NIF3L1: variants seen among roughly 807,000 people sequenced by gnomAD.
NIF3L1 encodes the protein NIF3-like protein 1.
Under a neutral mutation model 35.0 loss-of-function variants are expected in NIF3L1, and 26 were observed. The observed-to-expected ratio is 0.74, with a 90% CI of 0.54 to 1.03. The LOEUF (loss-of-function observed/expected upper bound fraction) is 1.03, where lower values mean the gene tolerates loss of function less well. NIF3L1 is among the 50% of genes least tolerant of loss of function. The pLI is 0.00. For missense variants in NIF3L1, 449 were observed against 466.3 expected, an observed-to-expected ratio of 0.96 and a Z score of 0.34; for synonymous variants, 157 against 178.9, an observed-to-expected ratio of 0.88 and a Z score of 0.98.
At chr2:200,900,743 A>G (rs1370665167) in intron 6 of NIF3L1, among the ~76,000 whole-genome samples, 1 of 152,248 alleles carries the variant, frequency 6.6e-6, no homozygotes, top group African/African-American at 2.4e-5. Flanking sequence ...GTGAAATTTC[A>G]ATATGAATAT....
chr2:200,891,181 T>G (rs1263794175), intron 1 of NIF3L1, among the ~76,000 whole-genome samples: 1 of 152,128 alleles, frequency 6.6e-6, no homozygotes, highest in Non-Finnish European at 1.5e-5. Context: ...AGTCTTTATC[T>G]CTTGACTTTG....
Position 200,892,481 on chromosome 2 carries a change from A to G in NIF3L1, c.436+102A>G, listed in dbSNP as rs980921756. The stretch of plus-strand genomic sequence containing the variant: ...TAACTGCTTTAGGGTTGGGGAGGGC[A>G]TGATTCCATTTTTATATAATAATTT... On this transcript the variant is annotated intron_variant, in intron 2 of 6. Coordinates refer to ENST00000409020, the MANE Select transcript of NIF3L1 (RefSeq NM_001369441.2). The G allele has an allele frequency of 6.2e-6, 5 of 800,434 alleles. No individual in the cohort carries two copies. In the African/African-American group the frequency reaches 6.9e-5, roughly 11 times the overall value. The allele number at this position is 800,434 out of a possible 1,614,324, so 49.6% of individuals were successfully genotyped here. A position where few individuals can be genotyped will look rare whatever the true frequency, so the allele number is the denominator to read the frequency against.
intron 1 of NIF3L1, among the ~76,000 whole-genome samples, chr2:200,890,148 A>G (rs981637993): frequency 6.6e-6 from 1 of 152,180 alleles, no homozygotes; most frequent in Admixed American, 6.5e-5. Context: ...ACTTGAGCGC[A>G]GGAGTTTGAG....
intron 1 of NIF3L1, among the ~76,000 whole-genome samples, chr2:200,891,342 A>G (rs1349982512): frequency 6.6e-6 from 1 of 152,176 alleles, no homozygotes; most frequent in Non-Finnish European, 1.5e-5. Flanking sequence ...GTGTCATTCT[A>G]TGCAGTAAGC....
chr2:200,896,995 C>T, intron 4 of NIF3L1, 81 bp from the exon 5 acceptor site: 1 of 1,343,476 alleles, frequency 7.4e-7, no homozygotes, highest in Admixed American at 2.0e-5. Context: ...AGTAATCTCA[C>T]AGTGTGCATG....
Position 200,892,291 on chromosome 2 carries a change from T to C in NIF3L1, c.348T>C (p.Ala116=). The C allele has an allele frequency of 1.2e-6, 2 of 1,614,060 alleles. No homozygotes were observed. Among genetic ancestry groups the C allele is most frequent in the Non-Finnish European group, 1.7e-6 (2 of 1,180,026 alleles). ...NTWKERLVIR[A]LENRVGIYSP... ...GGAAGGAGCGCCTGGTGATCCGGGCTCTGGAGAACAGAGTCGGTATCTACT... is the reference window on the plus strand; with the variant it reads ...GGAAGGAGCGCCTGGTGATCCGGGCCCTGGAGAACAGAGTCGGTATCTACT... Residue 116 remains alanine (A), a synonymous_variant, in exon 2 of 7, where the codon GCT becomes GCC. Coordinates refer to ENST00000409020, the MANE Select transcript of NIF3L1 (RefSeq NM_001369441.2).
At chr2:200,889,924 CTG>C (rs1447844140) in intron 1 of NIF3L1, among the ~76,000 whole-genome samples, 1 of 152,202 alleles carries the variant, frequency 6.6e-6, no homozygotes, top group Non-Finnish European at 1.5e-5. Context: ...TCGTTGTTGA[CTG>C]TGGCCATGTA....
chr2:200,900,585 G>A (rs903094368), intron 6 of NIF3L1, among the ~76,000 whole-genome samples: 16 of 152,050 alleles, frequency 1.1e-4, no homozygotes, highest in African/African-American at 9.7e-5. Flanking sequence ...CTGAAGTACC[G>A]AGGAGCAGCA....
At chr2:200,898,599 A>T (rs2124894223) in intron 5 of NIF3L1, among the ~76,000 whole-genome samples, 1 of 152,298 alleles carries the variant, frequency 6.6e-6, no homozygotes, top group East Asian at 1.9e-4. Context: ...TGTCCAAAGA[A>T]AATGGATAGC....
At position 200,903,743 on chromosome 2, in the gene NIF3L1, G is replaced by A. The variant is rs1291505543; in HGVS notation, c.*65G>A. The A allele has an allele frequency of 7.8e-7, 1 of 1,281,520 alleles. No homozygotes were observed. Among genetic ancestry groups the A allele is most frequent in the Non-Finnish European group, 1.1e-6 (1 of 877,184 alleles). The allele number at this position is 1,281,520 out of a possible 1,614,324, so 79.4% of individuals were successfully genotyped here. On this transcript the variant is annotated 3_prime_UTR_variant, in exon 7 of 7. Coordinates refer to ENST00000409020, the MANE Select transcript of NIF3L1 (RefSeq NM_001369441.2). ...GGATGCCAACTTAAATTTGTAACAT[G>A]AGTCAGTGGGACTGGTGTGCTTCCA...
intron 5 of NIF3L1, 190 bp from the exon 6 acceptor site, chr2:200,899,195 A>T (rs372696877): frequency 1.6e-5 from 7 of 449,890 alleles, no homozygotes; most frequent in African/African-American, 1.2e-4. Context: ...TTAGCTATGC[A>T]ATATCAAAGA....
At chr2:200,896,931 A>G (rs1044448128) in intron 4 of NIF3L1, 145 bp from the exon 5 acceptor site, 1 of 769,304 alleles carries the variant, frequency 1.3e-6, no homozygotes, top group East Asian at 2.7e-5. Context: ...GTGAACTCCT[A>G]GAAGAATGAT....
chr2:200,892,225 G>T lies in NIF3L1; in HGVS notation c.282G>T (p.Pro94=), dbSNP rs374971685. 1 of 1,614,130 alleles carries T rather than the reference G, an allele frequency of 6.2e-7. No homozygotes were observed. Among genetic ancestry groups the T allele is most frequent in the South Asian group, 1.1e-5 (1 of 91,088 alleles). Residue 94 remains proline (P), a synonymous_variant, in exon 2 of 7, where the codon CCG becomes CCT. Transcript: ENST00000409020. The part of the protein sequence containing the change: ...KKADLILSYH[P]PIFRPMKRIT... ...CAGACCTCATTCTCTCCTACCATCC[G>T]CCTATCTTCCGACCCATGAAGCGCA...
chr2:200,893,731 T>C (rs1365972179), intron 3 of NIF3L1, among the ~76,000 whole-genome samples: 1 of 152,238 alleles, frequency 6.6e-6, no homozygotes, highest in East Asian at 1.9e-4. Flanking sequence ...GATGTGGTGA[T>C]AAGGCTTTTA....
chr2:200,894,487 G>A (rs2040262545), intron 3 of NIF3L1, among the ~76,000 whole-genome samples: 1 of 151,618 alleles, frequency 6.6e-6, no homozygotes, highest in East Asian at 2.0e-4. Flanking sequence ...TGTAACCTCC[G>A]CCTCCCAGGT....
At chr2:200,894,555 C>T (rs972678081) in intron 3 of NIF3L1, among the ~76,000 whole-genome samples, 1 of 151,794 alleles carries the variant, frequency 6.6e-6, no homozygotes, top group Non-Finnish European at 1.5e-5. Flanking sequence ...CACCCGCCCC[C>T]CACCACGCCC....
At position 200,892,002 on chromosome 2, in the gene NIF3L1, T is replaced by A; in HGVS notation, c.59T>A (p.Ile20Asn). 6.2e-6 allele frequency: 10 copies of A among 1,614,222 alleles called. No homozygotes were observed. Among genetic ancestry groups the A allele is most frequent in the Non-Finnish European group, 8.5e-6 (10 of 1,180,016 alleles). ...ACAGTCCGGTTTGTAGATTCCCTGA[T>A]CTGCAATTCTTCCCGTTCCTTCATG... ...PTTVRFVDSL[I>N]CNSSRSFMDL... The change falls in exon 2 of 7, where the codon ATC (isoleucine) becomes AAC (asparagine). Residue 20 changes from isoleucine to asparagine, a missense_variant. Transcript: ENST00000409020.
chr2:200,895,160 G>T, intron 3 of NIF3L1, 104 bp from the exon 4 acceptor site: 1 of 1,113,772 alleles, frequency 9.0e-7, no homozygotes, highest in Non-Finnish European at 1.3e-6. Flanking sequence ...TAAATCCTTG[G>T]TTCCACATAA....
intron 6 of NIF3L1, among the ~76,000 whole-genome samples, 176 bp downstream of exon 6, chr2:200,899,644 T>C (rs1209840672): frequency 6.6e-6 from 1 of 152,238 alleles, no homozygotes. Context: ...GATGAAATCA[T>C]TGAACAGTTT....
Sources: allele counts gnomAD v4.1 joint callset (sites outside exome capture counted in the v4.1 genomes callset), GRCh38; gene constraint gnomAD v4.1.1; transcripts MANE v1.5; gene names NCBI Gene and HGNC (gene_info 2026-07-23, HGNC 2026-07-21).